DPP10: variants seen among roughly 807,000 people sequenced by gnomAD.
DPP10 encodes the protein inactive dipeptidyl peptidase 10.
Under a neutral mutation model 120.9 loss-of-function variants are expected in DPP10, and 33 were observed. The ratio of observed to expected loss-of-function variants is 0.27; its 90% confidence interval spans 0.21 to 0.37. DPP10 has a LOEUF of 0.37. Ranked by LOEUF, DPP10 falls within the 10% of genes least tolerant of loss-of-function variation. DPP10 has a pLI of 1.00. For missense variants in DPP10, 816 were observed against 942.8 expected (o/e 0.87, Z 1.76); for synonymous variants, 337 against 326.1 (o/e 1.03, Z -0.36).
chr2:114,597,483 T>A (rs780225741), intron 1 of DPP10, among the ~76,000 whole-genome samples: 5 of 152,070 alleles, frequency 3.3e-5, no homozygotes, highest in Non-Finnish European at 7.4e-5. Flanking sequence ...TGTGTTTTAC[T>A]GGCAATGACA....
At chr2:114,455,729 G>GT (rs35479026) in intron 1 of DPP10, among the ~76,000 whole-genome samples, 100,375 of 144,538 alleles carry the variant, frequency 0.69, 36,569 homozygotes, top group Non-Finnish European at 0.81. Flanking sequence ...AAATTCATTT[G>GT]TTTTTTTTTT....
chr2:115,289,337 C>T (rs1049233907), intron 1 of DPP10, among the ~76,000 whole-genome samples: 2 of 151,906 alleles, frequency 1.3e-5, no homozygotes, highest in African/African-American at 2.4e-5. Context: ...GCATCCCATG[C>T]TCATGCATTG....
At chr2:114,564,576 C>A (rs1197084272) in intron 1 of DPP10, among the ~76,000 whole-genome samples, 1 of 152,098 alleles carries the variant, frequency 6.6e-6, no homozygotes, top group Non-Finnish European at 1.5e-5. Context: ...AAATCAACCA[C>A]TGAGGGAAAA....
At chr2:115,274,680 T>A (rs1000663282) in intron 1 of DPP10, among the ~76,000 whole-genome samples, 11 of 152,218 alleles carry the variant, frequency 7.2e-5, no homozygotes, top group Non-Finnish European at 1.5e-5. Context: ...ACTAACTTTT[T>A]AAATGAGAAA....
At chr2:115,828,566 C>A (rs1217418744) in intron 21 of DPP10, among the ~76,000 whole-genome samples, 1 of 151,868 alleles carries the variant, frequency 6.6e-6, no homozygotes, top group Admixed American at 6.6e-5. Context: ...GCATGCATTT[C>A]TTTGTATGTT....
At chr2:114,889,941 G>C (rs1259262100) in intron 1 of DPP10, among the ~76,000 whole-genome samples, 2 of 152,212 alleles carry the variant, frequency 1.3e-5, no homozygotes, top group East Asian at 3.9e-4. Flanking sequence ...CAAAGGCCAA[G>C]TGCCCCACAG....
At chr2:114,786,948 G>A (rs932081514) in intron 1 of DPP10, among the ~76,000 whole-genome samples, 10 of 152,210 alleles carry the variant, frequency 6.6e-5, no homozygotes, top group South Asian at 2.1e-4. Flanking sequence ...TGCTTATTCC[G>A]CAGCATATTG....
intron 3 of DPP10, among the ~76,000 whole-genome samples, chr2:115,419,731 A>G (rs843386): frequency 0.031 from 4,707 of 152,302 alleles, 240 homozygotes; most frequent in African/African-American, 0.11. Flanking sequence ...GATGACTTAA[A>G]TAAGATGAAT....
chr2:115,459,962 T>C (rs2073892421), intron 3 of DPP10, among the ~76,000 whole-genome samples: 1 of 79,484 alleles, frequency 1.3e-5, no homozygotes, highest in Non-Finnish European at 3.3e-5. Flanking sequence ...TTTGTTTGCA[T>C]TATTATACTA....
At chr2:115,665,230 G>T (rs1217270284) in intron 5 of DPP10, among the ~76,000 whole-genome samples, 1 of 152,130 alleles carries the variant, frequency 6.6e-6, no homozygotes, top group Non-Finnish European at 1.5e-5. Context: ...CAGTCACAAT[G>T]TTACCGTGTT....
At chr2:114,521,249 CAG>C (rs1164913999) in intron 1 of DPP10, among the ~76,000 whole-genome samples, 1 of 127,720 alleles carries the variant, frequency 7.8e-6, no homozygotes, top group Middle Eastern at 3.7e-3. Context: ...CTCACATGCA[CAG>C]ACACACACAC....
At chr2:114,942,360 T>TAC (rs879909767) in intron 1 of DPP10, among the ~76,000 whole-genome samples, 2 of 116,642 alleles carry the variant, frequency 1.7e-5, no homozygotes, top group Non-Finnish European at 3.3e-5. Context: ...CATATATATA[T>TAC]ACATATATAT....
chr2:115,518,027 A>T (rs2077593954), intron 4 of DPP10, among the ~76,000 whole-genome samples: 1 of 152,208 alleles, frequency 6.6e-6, no homozygotes, highest in Non-Finnish European at 1.5e-5. Context: ...TAACATGGTG[A>T]GAAAGGAAGC....
At chr2:114,963,790 G>T (rs999649680) in intron 1 of DPP10, among the ~76,000 whole-genome samples, 3 of 152,126 alleles carry the variant, frequency 2.0e-5, no homozygotes, top group African/African-American at 7.2e-5. Context: ...ATTTGCTAAA[G>T]ATCAAATCCT....
chr2:115,369,003 T>C (rs59559754), intron 3 of DPP10, among the ~76,000 whole-genome samples: 2,994 of 152,104 alleles, frequency 0.02, 90 homozygotes, highest in African/African-American at 0.069. Context: ...AATAATATAA[T>C]TTACTTTAAG....
chr2:114,497,256 CG>C (rs1338815298), intron 1 of DPP10, among the ~76,000 whole-genome samples: 2 of 67,584 alleles, frequency 3.0e-5, no homozygotes, highest in Non-Finnish European at 7.2e-5. Context: ...TATGCATGTA[CG>C]TGTGTATACA....
intron 5 of DPP10, among the ~76,000 whole-genome samples, chr2:115,551,649 G>C (rs2079880238): frequency 6.6e-6 from 1 of 152,008 alleles, no homozygotes; most frequent in Non-Finnish European, 1.5e-5. Flanking sequence ...TCTGCCTCTT[G>C]GGCAGTTTCC....
chr2:115,483,762 G>C (rs1651828143), intron 3 of DPP10, among the ~76,000 whole-genome samples: 1 of 152,068 alleles, frequency 6.6e-6, no homozygotes, highest in Admixed American at 6.6e-5. Flanking sequence ...AATTCCGACT[G>C]CTCCTTGGCC....
chr2:115,364,302 T>C (rs1395608094), intron 3 of DPP10, among the ~76,000 whole-genome samples: 3 of 152,050 alleles, frequency 2.0e-5, no homozygotes, highest in Non-Finnish European at 4.4e-5. Flanking sequence ...TAAGTTCTTA[T>C]TGTGTAAAGA....
Sources: gnomAD v4.1 joint callset for allele counts (sites outside exome capture counted in the v4.1 genomes callset) on GRCh38, gnomAD v4.1.1 for gene constraint, MANE v1.5 for transcripts, NCBI Gene and HGNC (gene_info 2026-07-23, HGNC 2026-07-21) for gene names.